RB1CC1: variants seen among roughly 807,000 people sequenced by gnomAD.
The protein encoded by RB1CC1 is RB1-inducible coiled-coil protein 1.
RB1CC1 carries 46 observed loss-of-function variants against 177.5 expected under a neutral mutation model. That is an observed-to-expected ratio of 0.26 (90% CI 0.20 to 0.33). The LOEUF (loss-of-function observed/expected upper bound fraction) is 0.33. Among genes scored for constraint, RB1CC1 ranks in the 10% least tolerant of loss-of-function variants. The pLI, the probability that RB1CC1 is intolerant of heterozygous loss-of-function variation, is 1.00. For missense variants in RB1CC1, 1,703 were observed against 1,816.3 expected (o/e 0.94, Z 1.13); for synonymous variants, 666 against 613.6 (o/e 1.09, Z -1.26).
chr8:52,658,665 G>A (rs1851319358), intron 13 of RB1CC1, among the ~76,000 whole-genome samples: 1 of 148,616 alleles, frequency 6.7e-6, no homozygotes, highest in Non-Finnish European at 1.5e-5. Context: ...ATAATTACAT[G>A]TAAGGCATGT....
At chr8:52,629,459 GC>G (rs1225404970) in intron 21 of RB1CC1, among the ~76,000 whole-genome samples, 1 of 151,876 alleles carries the variant, frequency 6.6e-6, no homozygotes, top group Admixed American at 6.6e-5. Context: ...AAAATTTGAA[GC>G]CCCCCCAACC....
chr8:52,695,683 T>C (rs992267463), intron 1 of RB1CC1, among the ~76,000 whole-genome samples: 7 of 152,336 alleles, frequency 4.6e-5, no homozygotes, highest in African/African-American at 1.7e-4. Flanking sequence ...TGTCACGCGT[T>C]GTGGCCAAGA....
chr8:52,656,702 A>C lies in RB1CC1; in HGVS notation c.3127T>G (p.Leu1043Val), dbSNP rs749090572. The part of the protein sequence containing the change: ...AEIIQEKEKQ[L>V]QELKLKVSDL... The stretch of plus-strand genomic sequence containing the variant: ...GAAACCTTGAGTTTTAATTCCTGTA[A>C]CTGTTTTTCTTTTTCCTGGATAATT... The change falls in exon 15 of 24, where the codon TTA becomes GTA. Residue 1043 changes from leucine to valine, a missense_variant. Physicochemically the swap from Leu to Val is conservative, Grantham distance 32 (BLOSUM62 1). Coordinates refer to ENST00000025008, the MANE Select transcript of RB1CC1 (RefSeq NM_014781.5). The C allele has an allele frequency of 1.9e-6, 3 of 1,613,598 alleles. No individual in the cohort carries two copies. In the South Asian group the frequency reaches 3.3e-5, roughly 18 times the overall value.
chr8:52,695,394 T>C (rs1324115963), intron 1 of RB1CC1, among the ~76,000 whole-genome samples: 1 of 152,232 alleles, frequency 6.6e-6, no homozygotes, highest in African/African-American at 2.4e-5. Context: ...TGCCCTTCGC[T>C]ACTGGGAGGT....
At chr8:52,684,063 CTTTA>C in intron 3 of RB1CC1, 50 bp from the exon 4 acceptor site, 1 of 1,558,348 alleles carries the variant, frequency 6.4e-7, no homozygotes, top group Non-Finnish European at 8.7e-7. Flanking sequence ...TGCCCAATGA[CTTTA>C]TTTTCCAAGT....
Position 52,714,205 on chromosome 8 carries a change from CCG to C in RB1CC1, c.-299_-298del. The C allele has an allele frequency of 4.4e-6, 1 of 225,438 alleles. No individual in the cohort carries two copies. The highest frequency in any genetic ancestry group is 3.7e-5 in the South Asian group (1 of 26,756). 14.0% of individuals were successfully genotyped at this position (225,438 alleles called of 1,614,324 possible). A position where few individuals can be genotyped will look rare whatever the true frequency, so the allele number is the denominator to read the frequency against. On this transcript the variant is annotated 5_prime_UTR_variant, in exon 1 of 24. Transcript: ENST00000025008. ...CGGCACCGCTAAGCCGACACAACCG[CCG>C]GCGTCCCGGGCGCCCGCCCGCCGCG... is the stretch of plus-strand genomic sequence containing the variant.
chr8:52,678,655 T>C (rs1298011925), intron 5 of RB1CC1, among the ~76,000 whole-genome samples: 1 of 152,220 alleles, frequency 6.6e-6, no homozygotes, highest in African/African-American at 2.4e-5. Flanking sequence ...ATTTGGCTGA[T>C]AAGGATGCCA....
At chr8:52,640,127 T>C (rs1200409119) in intron 18 of RB1CC1, among the ~76,000 whole-genome samples, 1 of 152,188 alleles carries the variant, frequency 6.6e-6, no homozygotes, top group Non-Finnish European at 1.5e-5. Flanking sequence ...GATACTTTGG[T>C]TCTGAATAAC....
chr8:52,685,720 G>A (rs998623531), intron 2 of RB1CC1, among the ~76,000 whole-genome samples, 200 bp from the exon 3 acceptor site: 6 of 152,114 alleles, frequency 3.9e-5, no homozygotes, highest in African/African-American at 1.4e-4. Flanking sequence ...TGAGTTTAGT[G>A]AAAAGAAAAG....
At chr8:52,676,000 A>G (rs1408088802) in intron 6 of RB1CC1, among the ~76,000 whole-genome samples, 2 of 152,024 alleles carry the variant, frequency 1.3e-5, no homozygotes, top group African/African-American at 4.8e-5. Context: ...ATTTTCCTCC[A>G]TTGTCCAGTG....
At chr8:52,687,502 G>A (rs1448384727) in intron 1 of RB1CC1, among the ~76,000 whole-genome samples, 2 of 152,124 alleles carry the variant, frequency 1.3e-5, no homozygotes, top group Admixed American at 6.5e-5. Flanking sequence ...ATATCATGTA[G>A]GTAATCGTTA....
At chr8:52,687,561 T>C (rs1048065448) in intron 1 of RB1CC1, among the ~76,000 whole-genome samples, 13 of 152,306 alleles carry the variant, frequency 8.5e-5, no homozygotes, top group Admixed American at 5.9e-4. Context: ...CTTGCCAGCT[T>C]TGATGAAGCA....
chr8:52,647,590 G>A (rs750677727), intron 15 of RB1CC1, among the ~76,000 whole-genome samples: 15 of 151,996 alleles, frequency 9.9e-5, no homozygotes, highest in Non-Finnish European at 1.8e-4. Flanking sequence ...GTATAGGCAG[G>A]GTTTACAAAG....
rs914548436 is a variant in RB1CC1, at chr8:52,622,616, T to C, written c.*1166A>G. On this transcript the variant is annotated 3_prime_UTR_variant, in exon 24 of 24. Transcript: ENST00000025008. ...TATTTTCTGAAAAAGAATTATTTTA[T>C]TATTGTTCTCTAGCAACAAACCTCA... The C allele has an allele frequency of 6.6e-6, 1 of 152,034 alleles. No homozygotes were observed. The highest frequency in any genetic ancestry group is 2.4e-5 in the African/African-American group (1 of 41,400). The allele number at this position is 152,034 out of a possible 1,614,324, so 9.4% of individuals were successfully genotyped here.
chr8:52,642,591 T>C lies in RB1CC1; in HGVS notation c.4097A>G (p.Asp1366Gly), dbSNP rs1351669188. ...ATCTTCAGAAAGTGACTCTATCAAATCTGAAGGACACCCAAATTTAAAAAA... is the reference window on the plus strand; with the variant it reads ...ATCTTCAGAAAGTGACTCTATCAAACCTGAAGGACACCCAAATTTAAAAAA... ...STMQQQERDKDLIESLSEDRA... is the reference protein window; with the variant it reads ...STMQQQERDKGLIESLSEDRA... The change falls in exon 18 of 24, where the codon GAT becomes GGT. Residue 1366 changes from aspartate (D) to glycine (G), a missense_variant and splice_region_variant. By Grantham distance (94) the Asp-to-Gly change is moderately conservative. Coordinates refer to ENST00000025008, the MANE Select transcript of RB1CC1 (RefSeq NM_014781.5). 1.6e-5 allele frequency: 26 copies of C among 1,612,298 alleles called. No homozygotes were observed. The highest frequency in any genetic ancestry group is 2.2e-5 in the Non-Finnish European group (26 of 1,179,334).
intron 1 of RB1CC1, among the ~76,000 whole-genome samples, chr8:52,701,338 T>A (rs1200428821): frequency 1.3e-5 from 2 of 152,142 alleles, no homozygotes; most frequent in African/African-American, 2.4e-5. Context: ...TTGGCCAGGC[T>A]GGTCTCAAAC....
At chr8:52,711,687 T>A (rs894496890) in intron 1 of RB1CC1, among the ~76,000 whole-genome samples, 43 of 152,384 alleles carry the variant, frequency 2.8e-4, no homozygotes, top group Middle Eastern at 3.4e-3. Flanking sequence ...TTTACTTGAA[T>A]TCATCTGTAG....
In RB1CC1 at chr8:52,656,048, A is replaced by C. The variant is rs377381994; in HGVS notation, c.3781T>G (p.Leu1261Val). The C allele has an allele frequency of 6.2e-7, 1 of 1,611,674 alleles. No individual in the cohort carries two copies. The highest frequency in any genetic ancestry group is 2.2e-5 in the East Asian group (1 of 44,774). ...LEREVVEKEL[L>V]EKVKHLENQI... Reference sequence around the variant, plus strand: ...TTCTCAAGATGTTTAACTTTTTCTAATAACTCTTTCTCAACAACTTCTCTC... The same window carrying C: ...TTCTCAAGATGTTTAACTTTTTCTACTAACTCTTTCTCAACAACTTCTCTC... Residue 1261 changes from leucine (L) to valine (V), a missense_variant, in exon 15 of 24, where the codon TTA becomes GTA. Leu to Val is a conservative substitution (Grantham distance 32). Around this residue, in one of 6 missense-constraint regions of RB1CC1, gnomAD observed 1,169 missense variants for 1,184.7 expected, o/e 0.99. Coordinates refer to ENST00000025008, the MANE Select transcript of RB1CC1 (RefSeq NM_014781.5).
chr8:52,658,266 T>C lies in RB1CC1; in HGVS notation c.1794-142A>G, dbSNP rs1318047261. ...TAATACCAGAAGTATTTTAAGAAGT[T>C]TGTGTCATAATCAGTAAAGTAAAAA... On this transcript the variant is annotated intron_variant, in intron 13 of 23. Transcript: ENST00000025008. The C allele has an allele frequency of 4.7e-6, 5 of 1,060,492 alleles. No homozygotes were observed. The African/African-American group carries it at 6.5e-5, about 14-fold the overall frequency. 65.7% of individuals were successfully genotyped at this position (1,060,492 alleles called of 1,614,324 possible).
Sources: allele counts gnomAD v4.1 joint callset (sites outside exome capture counted in the v4.1 genomes callset), GRCh38; gene constraint gnomAD v4.1.1; regional missense constraint gnomAD v4.1.1; transcripts MANE v1.5; gene names NCBI Gene and HGNC (gene_info 2026-07-23, HGNC 2026-07-21).